TACC1: variants seen among roughly 807,000 people sequenced by gnomAD.
The protein encoded by TACC1 is transforming acidic coiled-coil-containing protein 1.
TACC1 carries 48 observed loss-of-function variants against 84.4 expected under a neutral mutation model. The ratio of observed to expected loss-of-function variants is 0.57; its 90% CI spans 0.45 to 0.72. The LOEUF is 0.72. Ranked by LOEUF, TACC1 falls within the 30% of genes least tolerant of loss-of-function variation. The pLI is 0.00. For synonymous variants in TACC1, 372 were observed against 376.3 expected, an observed-to-expected ratio of 0.99 and a Z score of 0.13; for missense variants, 920 against 973.0, an observed-to-expected ratio of 0.95 and a Z score of 0.72.
chr8:38,837,766 C>T (rs1002509661), intron 7 of TACC1, among the ~76,000 whole-genome samples: 8 of 152,188 alleles, frequency 5.3e-5, no homozygotes, highest in African/African-American at 1.7e-4. Context: ...AGGAAGAGAG[C>T]GGCACGGCCA....
chr8:38,799,167 A>C (rs1008264639), intron 2 of TACC1, among the ~76,000 whole-genome samples: 2 of 152,184 alleles, frequency 1.3e-5, no homozygotes, highest in African/African-American at 4.8e-5. Flanking sequence ...GGGCAAGACC[A>C]AGGCACGGAA....
intron 1 of TACC1, among the ~76,000 whole-genome samples, chr8:38,736,251 T>G (rs546638112): frequency 3.3e-5 from 5 of 152,228 alleles, no homozygotes; most frequent in Non-Finnish European, 7.3e-5. Flanking sequence ...CTTAATTTCA[T>G]CACATTAGCA....
At chr8:38,797,542 T>C (rs1285804826) in intron 2 of TACC1, among the ~76,000 whole-genome samples, 1 of 152,194 alleles carries the variant, frequency 6.6e-6, no homozygotes. Flanking sequence ...CTGCCATGGA[T>C]GTGTCTCATG....
intron 1 of TACC1, among the ~76,000 whole-genome samples, chr8:38,738,925 C>CT (rs1347244171): frequency 1.3e-5 from 2 of 152,138 alleles, no homozygotes; most frequent in African/African-American, 4.8e-5. Flanking sequence ...AGCTCACACT[C>CT]TGTCGCCCAA....
At chr8:38,787,043 A>T (rs1456581983), upstream of TACC1, among the ~76,000 whole-genome samples, 1 of 151,676 alleles carries the variant, frequency 6.6e-6, no homozygotes. Flanking sequence ...GCAGCCGGCA[A>T]GCCCCGGCCC....
At chr8:38,803,054 G>T (rs1006238436) in intron 2 of TACC1, among the ~76,000 whole-genome samples, 1 of 152,056 alleles carries the variant, frequency 6.6e-6, no homozygotes, top group Admixed American at 6.6e-5. Context: ...GTTATAAATG[G>T]AATTGTTTTC....
At chr8:38,828,692 A>C (rs1158929236) in intron 5 of TACC1, among the ~76,000 whole-genome samples, 3 of 152,132 alleles carry the variant, frequency 2.0e-5, no homozygotes, top group African/African-American at 7.2e-5. Flanking sequence ...GGGTTGCTTT[A>C]TGGCCTGCTT....
At chr8:38,844,069 A>G (rs1241237938) in intron 11 of TACC1, among the ~76,000 whole-genome samples, 3 of 152,224 alleles carry the variant, frequency 2.0e-5, no homozygotes, top group Admixed American at 2.0e-4. Context: ...AACTGTGCCA[A>G]TAGGTCAACG....
chr8:38,768,790 TGGG>T (rs1215245525), intron 3 of TACC1, among the ~76,000 whole-genome samples: 1 of 151,476 alleles, frequency 6.6e-6, no homozygotes, highest in Non-Finnish European at 1.5e-5. Flanking sequence ...ATGTGAGAGT[TGGG>T]GGTAGGTGTG....
chr8:38,756,578 G>A (rs113151396), intron 3 of TACC1, among the ~76,000 whole-genome samples: 7,495 of 152,106 alleles, frequency 0.049, 564 homozygotes, highest in African/African-American at 0.16. Context: ...TTTTTTCCTT[G>A]CGACAGAGTT....
intron 3 of TACC1, chr8:38,745,510 T>C: frequency 1.5e-6 from 1 of 685,892 alleles, no homozygotes; most frequent in African/African-American, 1.8e-5. Context: ...GTTTTAATTT[T>C]TGTTTTCTTG....
chr8:38,752,554 A>G, intron 3 of TACC1, among the ~76,000 whole-genome samples: 1 of 152,156 alleles, frequency 6.6e-6, no homozygotes, highest in East Asian at 1.9e-4. Flanking sequence ...CCGAATTGTT[A>G]TGTGCGAGTG....
chr8:38,753,015 C>A (rs1343234443), intron 3 of TACC1, among the ~76,000 whole-genome samples: 5 of 152,138 alleles, frequency 3.3e-5, no homozygotes, highest in African/African-American at 1.2e-4. Flanking sequence ...GTTTCCATTT[C>A]TTTAATAACT....
At chr8:38,757,924 G>T (rs1810435961) in intron 3 of TACC1, among the ~76,000 whole-genome samples, 1 of 152,150 alleles carries the variant, frequency 6.6e-6, no homozygotes, top group Admixed American at 6.5e-5. Flanking sequence ...GGGCAGTATT[G>T]TAGCAGCAGC....
chr8:38,754,826 A>T (rs1407600897), intron 3 of TACC1, among the ~76,000 whole-genome samples: 1 of 152,234 alleles, frequency 6.6e-6, no homozygotes, highest in East Asian at 1.9e-4. Flanking sequence ...GGCTAAGTAG[A>T]CTAAAGATAA....
At chr8:38,793,566 AAAAC>A (rs1342526439) in intron 2 of TACC1, among the ~76,000 whole-genome samples, 2 of 152,160 alleles carry the variant, frequency 1.3e-5, no homozygotes, top group Non-Finnish European at 2.9e-5. Context: ...TTCTTAAAAA[AAAAC>A]AAAACAAAAT....
In TACC1 at chr8:38,839,167, G is replaced by A. The variant is rs1441348267; in HGVS notation, c.1916+621G>A. 1.2e-5 allele frequency: 4 copies of A among 341,520 alleles called. No individual in the cohort carries two copies. The East Asian group carries it at 1.2e-4, about 10-fold the overall frequency. 21.2% of individuals were successfully genotyped at this position (341,520 alleles called of 1,614,324 possible). The stretch of plus-strand genomic sequence containing the variant: ...GCCTCCCAAAGTGCTGGGATTGCAG[G>A]CATGAGCCACAGCGCCTGGTCCATA... On this transcript the variant is annotated intron_variant, in intron 8 of 12. Coordinates refer to ENST00000317827, the MANE Select transcript of TACC1 (RefSeq NM_006283.3).
intron 2 of TACC1, among the ~76,000 whole-genome samples, chr8:38,794,378 C>T (rs1461211128): frequency 6.6e-6 from 1 of 152,012 alleles, no homozygotes. Context: ...CTCAAGTGAT[C>T]CTCCCACCTT....
chr8:38,797,866 G>T (rs7005758), intron 2 of TACC1, among the ~76,000 whole-genome samples: 3,606 of 152,274 alleles, frequency 0.024, 130 homozygotes, highest in African/African-American at 0.075. Context: ...AAGTTTTGTG[G>T]GGAGGGCCTT....
Sources: gnomAD v4.1 joint callset for allele counts (sites outside exome capture counted in the v4.1 genomes callset) on GRCh38, gnomAD v4.1.1 for gene constraint, MANE v1.5 for transcripts, NCBI Gene and HGNC (gene_info 2026-07-23, HGNC 2026-07-21) for gene names.